Variants in GRIN3A observed in about 807,000 individuals in gnomAD.
GRIN3A encodes the protein glutamate receptor ionotropic, NMDA 3A.
In GRIN3A, 47 loss-of-function variants were observed where a neutral mutation model predicts 92.4. The observed-to-expected ratio is 0.51, with a 90% CI of 0.40 to 0.65. GRIN3A has a LOEUF of 0.65. Among genes scored for constraint, GRIN3A ranks in the 30% least tolerant of loss-of-function variants. The pLI, the probability that GRIN3A is intolerant of heterozygous loss-of-function variation, is 0.00. For missense variants in GRIN3A, 1,324 were observed against 1,393.1 expected (o/e 0.95, Z 0.79); for synonymous variants, 527 against 540.6 (o/e 0.97, Z 0.35).
At chr9:101,582,553 A>ACTAGTTGTAACTAGTAC (rs1827901680) in intron 6 of GRIN3A, among the ~76,000 whole-genome samples, 1 of 152,192 alleles carries the variant, frequency 6.6e-6, no homozygotes, top group African/African-American at 2.4e-5. Flanking sequence ...TCTGTGTGCA[A>ACTAGTTGTAACTAGTAC]ATGGTGACTA....
intron 3 of GRIN3A, among the ~76,000 whole-genome samples, chr9:101,632,940 G>A (rs1204496466): frequency 1.3e-5 from 2 of 152,116 alleles, no homozygotes; most frequent in South Asian, 2.1e-4. Flanking sequence ...CAGCTCTTCC[G>A]ATTCTGTTTA....
intron 6 of GRIN3A, among the ~76,000 whole-genome samples, chr9:101,587,824 G>A (rs775518337): frequency 6.6e-6 from 1 of 152,150 alleles, no homozygotes; most frequent in Non-Finnish European, 1.5e-5. Flanking sequence ...AAAAGGCTGT[G>A]GTGCTTCTGA....
chr9:101,737,734 C>T lies in GRIN3A; in HGVS notation c.246G>A (p.Glu82=). 1 of 1,527,800 alleles carries T rather than the reference C, an allele frequency of 6.5e-7. No homozygotes were observed. Among genetic ancestry groups the T allele is most frequent in the Non-Finnish European group, 8.7e-7 (1 of 1,143,354 alleles). 94.6% of individuals were successfully genotyped at this position (1,527,800 alleles called of 1,614,324 possible). The change falls in exon 1 of 9, where the codon GAG becomes GAA. Residue 82 remains glutamate (E), a synonymous_variant. Transcript: ENST00000361820. ...GCGCCGGGGACCGCCTAGTCCCTGG[C>T]TCCGGCTCATCCCTCTGGGCTCCTG... is the stretch of plus-strand genomic sequence containing the variant. The part of the protein sequence containing the change: ...SRAGAQRDEP[E]PGTRRSPAPS...
chr9:101,696,542 A>G (rs1829687145), intron 1 of GRIN3A, among the ~76,000 whole-genome samples: 1 of 152,178 alleles, frequency 6.6e-6, no homozygotes. Flanking sequence ...GTTTTGGTCA[A>G]ATTAAGTAAC....
At chr9:101,693,128 G>C (rs892444247) in intron 1 of GRIN3A, among the ~76,000 whole-genome samples, 2 of 152,102 alleles carry the variant, frequency 1.3e-5, no homozygotes, top group African/African-American at 4.8e-5. Context: ...GCTTGGGCCA[G>C]GTGTAGTGGC....
chr9:101,664,049 G>A (rs1459174348), intron 3 of GRIN3A, among the ~76,000 whole-genome samples: 28 of 151,802 alleles, frequency 1.8e-4, no homozygotes, highest in Non-Finnish European at 1.5e-5. Context: ...TATGTTCTGT[G>A]AAGTTATTTT....
At chr9:101,685,256 A>C (rs189009268) in intron 2 of GRIN3A, among the ~76,000 whole-genome samples, 3 of 149,806 alleles carry the variant, frequency 2.0e-5, no homozygotes, top group Admixed American at 2.0e-4. Context: ...ATACATATAT[A>C]TATGTAAAAT....
At chr9:101,680,492 TGAAGA>T (rs1829454066) in intron 2 of GRIN3A, among the ~76,000 whole-genome samples, 1 of 152,184 alleles carries the variant, frequency 6.6e-6, no homozygotes, top group Non-Finnish European at 1.5e-5. Flanking sequence ...AAACATAGTT[TGAAGA>T]GAAAAGAGTC....
Position 101,670,176 on chromosome 9 carries a change from T to C in GRIN3A, c.2236A>G (p.Met746Val). ...PPKCWTGRFL[M>V]NLWAIFCMFC... ...ATACAGAAAATGGCCCAAAGGTTCA[T>C]TAGAAACCTTCCAGTCCAACATTTT... Residue 746 changes from methionine (M) to valine (V), a missense_variant, in exon 3 of 9, where the codon ATG (methionine) becomes GTG (valine). Met to Val is a conservative substitution (Grantham distance 21). Coordinates refer to ENST00000361820, the MANE Select transcript of GRIN3A (RefSeq NM_133445.3). The C allele has an allele frequency of 6.2e-7, 1 of 1,613,906 alleles. No homozygotes were observed. The highest frequency in any genetic ancestry group is 2.2e-5 in the East Asian group (1 of 44,856).
At chr9:101,595,667 CA>C (rs1828116289) in intron 6 of GRIN3A, among the ~76,000 whole-genome samples, 1 of 152,198 alleles carries the variant, frequency 6.6e-6, no homozygotes, top group South Asian at 2.1e-4. Flanking sequence ...GGATCACCTA[CA>C]GGCACTAACA....
chr9:101,588,368 C>T (rs1238284359), intron 6 of GRIN3A, among the ~76,000 whole-genome samples: 2 of 152,126 alleles, frequency 1.3e-5, no homozygotes, highest in African/African-American at 2.4e-5. Context: ...AGGATTTTGA[C>T]AGCACTCTCT....
At chr9:101,624,778 T>C (rs192767244) in intron 4 of GRIN3A, among the ~76,000 whole-genome samples, 261 of 152,280 alleles carry the variant, frequency 1.7e-3, no homozygotes, top group Middle Eastern at 6.8e-3. Flanking sequence ...TTTCTAGTTC[T>C]AGATCCCTGA....
At chr9:101,595,103 GGA>G (rs1192427503) in intron 6 of GRIN3A, 2 of 638,464 alleles carry the variant, frequency 3.1e-6, no homozygotes, top group Non-Finnish European at 5.3e-6. Flanking sequence ...GAGAGGGAGC[GGA>G]GAGAGGAGGG....
chr9:101,579,923 T>G (rs1182080214), intron 6 of GRIN3A, among the ~76,000 whole-genome samples: 1 of 152,026 alleles, frequency 6.6e-6, no homozygotes, highest in Non-Finnish European at 1.5e-5. Context: ...GACCACAATC[T>G]CCAGATGGTT....
intron 3 of GRIN3A, among the ~76,000 whole-genome samples, chr9:101,650,821 C>A (rs375158642): frequency 2.0e-5 from 3 of 151,896 alleles, no homozygotes; most frequent in Non-Finnish European, 4.4e-5. Flanking sequence ...TTCCACCCCC[C>A]CACACACATT....
At chr9:101,640,480 A>G (rs1384610258) in intron 3 of GRIN3A, among the ~76,000 whole-genome samples, 1 of 152,228 alleles carries the variant, frequency 6.6e-6, no homozygotes, top group Non-Finnish European at 1.5e-5. Context: ...AGATTAAGCA[A>G]TTTGGCCAAG....
intron 1 of GRIN3A, among the ~76,000 whole-genome samples, chr9:101,701,472 T>C (rs1158020483): frequency 6.6e-6 from 1 of 152,062 alleles, no homozygotes; most frequent in Non-Finnish European, 1.5e-5. Flanking sequence ...GCCTAGCCAT[T>C]GCAGAAAATT....
At chr9:101,618,348 A>G (rs1387981132) in intron 5 of GRIN3A, among the ~76,000 whole-genome samples, 1 of 152,024 alleles carries the variant, frequency 6.6e-6, no homozygotes, top group Non-Finnish European at 1.5e-5. Flanking sequence ...ACAAATTTAC[A>G]AGAAAAAAAC....
At chr9:101,595,331 T>C (rs946740142) in intron 6 of GRIN3A, among the ~76,000 whole-genome samples, 1 of 150,778 alleles carries the variant, frequency 6.6e-6, no homozygotes, top group Non-Finnish European at 1.5e-5. Flanking sequence ...TTTTTTTTTT[T>C]CTCTGAGAAA....
Sources: allele counts gnomAD v4.1 joint callset (sites outside exome capture counted in the v4.1 genomes callset), GRCh38; gene constraint gnomAD v4.1.1; transcripts MANE v1.5; gene names NCBI Gene and HGNC (gene_info 2026-07-23, HGNC 2026-07-21).